CEP112: variants seen among roughly 807,000 people sequenced by gnomAD.
CEP112 encodes centrosomal protein 112.
CEP112 carries 127 observed loss-of-function variants against 153.0 expected under a neutral mutation model. The observed-to-expected ratio is 0.83, with a 90% CI of 0.72 to 0.96. The LOEUF is 0.96. CEP112 is among the 40% of genes least tolerant of loss of function. The pLI, the probability that CEP112 is intolerant of heterozygous loss-of-function variation, is 0.00. For missense variants in CEP112, 1,089 were observed against 1,101.2 expected, an observed-to-expected ratio of 0.99 and a Z score of 0.16; for synonymous variants, 358 against 374.4, an observed-to-expected ratio of 0.96 and a Z score of 0.51.
At chr17:66,002,167 G>C (rs181358018) in intron 17 of CEP112, among the ~76,000 whole-genome samples, 1 of 151,798 alleles carries the variant, frequency 6.6e-6, no homozygotes, top group African/African-American at 2.4e-5. Context: ...ATCAACTTGA[G>C]CTCTAAACCA....
At chr17:66,010,717 C>T (rs1213668163) in intron 16 of CEP112, among the ~76,000 whole-genome samples, 5 of 152,010 alleles carry the variant, frequency 3.3e-5, no homozygotes, top group Non-Finnish European at 7.4e-5. Context: ...TGAGATGATC[C>T]TGTGGGTTTT....
intron 23 of CEP112, among the ~76,000 whole-genome samples, chr17:65,728,438 C>G (rs943376771): frequency 6.6e-6 from 1 of 152,090 alleles, no homozygotes; most frequent in Non-Finnish European, 1.5e-5. Flanking sequence ...AGAAACAACG[C>G]CATACAGTCT....
At chr17:65,712,443 G>A (rs1400100604) in intron 23 of CEP112, among the ~76,000 whole-genome samples, 1 of 151,390 alleles carries the variant, frequency 6.6e-6, no homozygotes, top group Non-Finnish European at 1.5e-5. Context: ...GAGAAATGAC[G>A]GCTAACATTG....
At chr17:65,751,778 CATT>C (rs1240085114) in intron 21 of CEP112, among the ~76,000 whole-genome samples, 8 of 152,238 alleles carry the variant, frequency 5.3e-5, no homozygotes, top group African/African-American at 1.9e-4. Context: ...ACAGCATCAT[CATT>C]AACATCCCTC....
chr17:65,912,418 C>A (rs1487946970), intron 19 of CEP112, among the ~76,000 whole-genome samples: 2 of 152,142 alleles, frequency 1.3e-5, no homozygotes, highest in Non-Finnish European at 1.5e-5. Flanking sequence ...ACAGAGGAAA[C>A]CACCATGGAG....
chr17:66,020,811 C>T (rs1388800876), intron 16 of CEP112, among the ~76,000 whole-genome samples: 1 of 152,134 alleles, frequency 6.6e-6, no homozygotes, highest in Non-Finnish European at 1.5e-5. Context: ...AGTCAGAAAT[C>T]TATAGAACTC....
At chr17:65,746,769 G>GAAAAATGAAAAAAAAA (rs979381578) in intron 22 of CEP112, among the ~76,000 whole-genome samples, 2 of 152,012 alleles carry the variant, frequency 1.3e-5, no homozygotes, top group African/African-American at 4.8e-5. Flanking sequence ...AAGTTTCTAA[G>GAAAAATGAAAAAAAAA]AAAAATGAAA....
Position 66,029,260 on chromosome 17 carries a change from CAA to C in CEP112, c.1374-10_1374-9del. The C allele has an allele frequency of 6.2e-7, 1 of 1,603,126 alleles. No individual in the cohort carries two copies. Among genetic ancestry groups the C allele is most frequent in the Non-Finnish European group, 8.5e-7 (1 of 1,175,588 alleles). ...TTATGCAGTGTGTTACGCCTAAAAA[CAA>C]GAGAATAAAATAGACTTTCAATGTA... is the stretch of plus-strand genomic sequence containing the variant. On this transcript the variant is annotated splice_polypyrimidine_tract_variant and intron_variant, in intron 13 of 26. Transcript: ENST00000535342.
intron 17 of CEP112, among the ~76,000 whole-genome samples, chr17:66,000,599 C>G (rs983281992): frequency 6.6e-6 from 1 of 152,054 alleles, no homozygotes; most frequent in Non-Finnish European, 1.5e-5. Context: ...AGCGTCCAAA[C>G]ATCATGCATA....
chr17:65,787,697 T>C lies in CEP112; in HGVS notation c.2395-36973A>G, dbSNP rs980254081. Among the ~76,000 whole-genome samples the C allele has an allele frequency of 6.1e-4, 93 of 152,340 alleles. 1 individual carries two copies. Among genetic ancestry groups the C allele is most frequent in the African/African-American group, 2.2e-3 (91 of 41,580 alleles). ...TATTCTTAGATTCATTCCTATACACTTTCTATTTTGCTGTGTTAGCAGAAT... is the reference window on the plus strand; with the variant it reads ...TATTCTTAGATTCATTCCTATACACCTTCTATTTTGCTGTGTTAGCAGAAT... On this transcript the variant is annotated intron_variant, in intron 21 of 26. Coordinates refer to ENST00000535342, the MANE Select transcript of CEP112 (RefSeq NM_001199165.4).
At chr17:65,889,277 A>C (rs766529927) in intron 20 of CEP112, among the ~76,000 whole-genome samples, 1 of 151,998 alleles carries the variant, frequency 6.6e-6, no homozygotes, top group African/African-American at 2.4e-5. Flanking sequence ...GCCCACAACC[A>C]CTTCAGAATT....
At chr17:65,766,866 C>T (rs8067129) in intron 21 of CEP112, among the ~76,000 whole-genome samples, 31,741 of 106,696 alleles carry the variant, frequency 0.3, 5,700 homozygotes, top group East Asian at 0.69. Context: ...TTAGAGCACA[C>T]TAGACATTAG....
chr17:65,949,808 T>C (rs892355917), intron 18 of CEP112, among the ~76,000 whole-genome samples: 1 of 152,170 alleles, frequency 6.6e-6, no homozygotes, highest in Non-Finnish European at 1.5e-5. Context: ...TCTGGTAACA[T>C]CCTCATTTTG....
chr17:65,883,707 T>C (rs1229951401), intron 20 of CEP112, among the ~76,000 whole-genome samples: 1 of 152,158 alleles, frequency 6.6e-6, no homozygotes, highest in East Asian at 1.9e-4. Flanking sequence ...TATGAAAGGA[T>C]TTTAAGCAGG....
intron 20 of CEP112, among the ~76,000 whole-genome samples, chr17:65,852,757 G>A (rs923569357): frequency 6.6e-6 from 1 of 151,544 alleles, no homozygotes; most frequent in Non-Finnish European, 1.5e-5. Context: ...TTTATTGATT[G>A]ATTTCTGCTT....
At chr17:65,753,632 G>C (rs2052029552) in intron 21 of CEP112, among the ~76,000 whole-genome samples, 1 of 152,056 alleles carries the variant, frequency 6.6e-6, no homozygotes, top group African/African-American at 2.4e-5. Flanking sequence ...AACCTCTTGA[G>C]GTTTATTTGT....
chr17:66,126,909 G>A (rs1283611950), intron 6 of CEP112, among the ~76,000 whole-genome samples: 1 of 152,116 alleles, frequency 6.6e-6, no homozygotes, highest in African/African-American at 2.4e-5. Flanking sequence ...GGATCACTCA[G>A]AGGAAGAAAG....
chr17:65,735,855 G>T (rs2050772234), intron 23 of CEP112, among the ~76,000 whole-genome samples: 1 of 152,136 alleles, frequency 6.6e-6, no homozygotes, highest in Non-Finnish European at 1.5e-5. Context: ...AGGTCTCAGG[G>T]ACTCATCGGA....
chr17:65,908,694 C>A (rs77544531), intron 19 of CEP112, among the ~76,000 whole-genome samples: 2 of 146,576 alleles, frequency 1.4e-5, no homozygotes, highest in African/African-American at 2.5e-5. Flanking sequence ...AACTCTGTCT[C>A]AAAAAAAAAA....
Sources: gnomAD v4.1 joint callset for allele counts (sites outside exome capture counted in the v4.1 genomes callset) on GRCh38, gnomAD v4.1.1 for gene constraint, MANE v1.5 for transcripts, NCBI Gene and HGNC (gene_info 2026-07-23, HGNC 2026-07-21) for gene names.